The following PLS1 variants were observed in gnomAD, a reference collection of about 807,000 sequenced individuals.
PLS1 encodes the protein plastin-1.
Under a neutral mutation model 73.7 loss-of-function variants are expected in PLS1, and 32 were observed. That is an observed-to-expected ratio of 0.43 (90% CI 0.33 to 0.58). The LOEUF (loss-of-function observed/expected upper bound fraction) is 0.58. Ranked by LOEUF, PLS1 falls within the 20% of genes least tolerant of loss-of-function variation. The pLI is 0.04. For synonymous variants in PLS1, 217 were observed against 261.3 expected (o/e 0.83, Z 1.63); for missense variants, 633 against 740.5 (o/e 0.85, Z 1.68).
chr3:142,617,145 G>GGT (rs372954619), intron 1 of PLS1, among the ~76,000 whole-genome samples: 15,655 of 142,104 alleles, frequency 0.11, 808 homozygotes, highest in Non-Finnish European at 0.12. Flanking sequence ...TGATTAGGAA[G>GGT]ATTTTTTTTT....
chr3:142,647,595 C>A (rs1372717845), intron 1 of PLS1, among the ~76,000 whole-genome samples: 1 of 151,694 alleles, frequency 6.6e-6, no homozygotes, highest in Non-Finnish European at 1.5e-5. Context: ...CTCTGCCTCC[C>A]GGGTTCATGC....
At chr3:142,614,598 A>T (rs1396281126) in intron 1 of PLS1, among the ~76,000 whole-genome samples, 5 of 152,252 alleles carry the variant, frequency 3.3e-5, no homozygotes, top group Admixed American at 3.3e-4. Context: ...AATTAAAAAA[A>T]GAATCCAACA....
intron 1 of PLS1, among the ~76,000 whole-genome samples, chr3:142,631,350 C>G (rs973861873): frequency 1.3e-5 from 2 of 151,892 alleles, no homozygotes; most frequent in Non-Finnish European, 2.9e-5. Flanking sequence ...CCCGTTTCTA[C>G]TAAAAATACA....
At chr3:142,642,138 C>G (rs1410082737) in intron 1 of PLS1, among the ~76,000 whole-genome samples, 1 of 152,100 alleles carries the variant, frequency 6.6e-6, no homozygotes. Context: ...TCACCTCTGT[C>G]TAACCTGTCT....
At chr3:142,602,940 G>A (rs1387497875) in intron 1 of PLS1, among the ~76,000 whole-genome samples, 1 of 152,196 alleles carries the variant, frequency 6.6e-6, no homozygotes, top group East Asian at 1.9e-4. Context: ...GCCCGCCTCA[G>A]CCTCCCAAAG....
rs952645653 is a variant in PLS1, at chr3:142,712,411, A to G, written c.*404A>G. 3.7e-5 allele frequency: 6 copies of G among 162,078 alleles called. No homozygotes were observed. The highest frequency in any genetic ancestry group is 1.4e-4 in the African/African-American group (6 of 41,594). 10.0% of individuals were successfully genotyped at this position (162,078 alleles called of 1,614,324 possible). On this transcript the variant is annotated 3_prime_UTR_variant, in exon 16 of 16. Transcript: ENST00000457734. ...TTTGATCATAAATGCATTCATACTC[A>G]TAATCCAGTTTAATCCTTTTATTTG...
At chr3:142,605,166 G>C (rs1284618518) in intron 1 of PLS1, among the ~76,000 whole-genome samples, 1 of 152,144 alleles carries the variant, frequency 6.6e-6, no homozygotes, top group African/African-American at 2.4e-5. Context: ...AATTAAACAA[G>C]ATAGTGGATG....
At chr3:142,688,837 G>C (rs538905270) in intron 9 of PLS1, among the ~76,000 whole-genome samples, 6 of 151,968 alleles carry the variant, frequency 3.9e-5, no homozygotes, top group African/African-American at 1.2e-4. Context: ...TTGTTTCCAG[G>C]GTTTTGCAAT....
intron 1 of PLS1, among the ~76,000 whole-genome samples, chr3:142,641,068 G>C (rs566860040): frequency 6.6e-6 from 1 of 151,118 alleles, no homozygotes; most frequent in African/African-American, 2.4e-5. Context: ...GCTGAGGTGG[G>C]AGAATGGCTT....
chr3:142,692,521 C>T (rs1321825244), intron 10 of PLS1, among the ~76,000 whole-genome samples: 20 of 152,054 alleles, frequency 1.3e-4, no homozygotes, highest in Admixed American at 1.2e-3. Flanking sequence ...TTTACCAAGA[C>T]ACTTTGAAAT....
intron 1 of PLS1, among the ~76,000 whole-genome samples, chr3:142,624,724 A>G (rs2036384674): frequency 6.6e-6 from 1 of 152,258 alleles, no homozygotes; most frequent in Admixed American, 6.5e-5. Flanking sequence ...TACGCACCAT[A>G]GAATACTCTT....
At chr3:142,705,154 G>T (rs2038432774) in intron 14 of PLS1, among the ~76,000 whole-genome samples, 1 of 151,968 alleles carries the variant, frequency 6.6e-6, no homozygotes. Context: ...TCTGACTCTG[G>T]TAATCTAATC....
At chr3:142,677,296 G>C (rs148919239) in intron 5 of PLS1, among the ~76,000 whole-genome samples, 2 of 152,016 alleles carry the variant, frequency 1.3e-5, no homozygotes, top group Non-Finnish European at 2.9e-5. Context: ...TTTGTTTTAG[G>C]CTGCGGAATA....
At chr3:142,610,129 A>C (rs1047982110) in intron 1 of PLS1, among the ~76,000 whole-genome samples, 8 of 152,160 alleles carry the variant, frequency 5.3e-5, no homozygotes, top group African/African-American at 1.9e-4. Context: ...TCGGCCTCCC[A>C]CAAAGCTTGT....
chr3:142,630,819 G>A (rs1487746817), intron 1 of PLS1, among the ~76,000 whole-genome samples: 2 of 151,960 alleles, frequency 1.3e-5, no homozygotes, highest in Admixed American at 6.6e-5. Context: ...AAAATAGAGA[G>A]TGTACAGTTC....
At position 142,689,829 on chromosome 3, in the gene PLS1, CT is replaced by C; in HGVS notation, c.1177+19del. The C allele has an allele frequency of 6.8e-7, 1 of 1,466,776 alleles. No individual in the cohort carries two copies. Among genetic ancestry groups the C allele is most frequent in the Non-Finnish European group, 9.3e-7 (1 of 1,072,202 alleles). The allele number at this position is 1,466,776 out of a possible 1,614,324, so 90.9% of individuals were successfully genotyped here. A position where few individuals can be genotyped will look rare whatever the true frequency, so the allele number is the denominator to read the frequency against. Reference sequence around the variant, plus strand: ...TTACTGGAAGGTGCGTTCTTTCTGCCTTTAATTGACTTGCTATATTTATCTT... The same window carrying C: ...TTACTGGAAGGTGCGTTCTTTCTGCCTTAATTGACTTGCTATATTTATCTT... On this transcript the variant is annotated intron_variant, in intron 10 of 15. Coordinates refer to ENST00000457734, the MANE Select transcript of PLS1 (RefSeq NM_001145319.2).
At chr3:142,686,933 A>G (rs1349302723) in intron 9 of PLS1, among the ~76,000 whole-genome samples, 1 of 152,250 alleles carries the variant, frequency 6.6e-6, no homozygotes, top group Non-Finnish European at 1.5e-5. Context: ...AAAGGAAGCA[A>G]CAACCTGTTG....
chr3:142,667,386 G>A (rs2037501725), intron 2 of PLS1, among the ~76,000 whole-genome samples: 1 of 152,142 alleles, frequency 6.6e-6, no homozygotes, highest in Non-Finnish European at 1.5e-5. Flanking sequence ...CTGCACTCCA[G>A]CCTGGCGACA....
chr3:142,711,584 G>T lies in PLS1; in HGVS notation c.1713G>T (p.Arg571Ser), dbSNP rs768261160. The T allele has an allele frequency of 6.2e-7, 1 of 1,608,310 alleles. No individual in the cohort carries two copies. The highest frequency in any genetic ancestry group is 1.7e-5 in the Admixed American group (1 of 59,990). Reference sequence around the variant, plus strand: ...ATGCAGTTCGTCAAGAAATGATCAGGAGAGAAAACTTATCTGATGAGGACA... The same window carrying T: ...ATGCAGTTCGTCAAGAAATGATCAGTAGAGAAAACTTATCTGATGAGGACA... ...APNAVRQEMI[R>S]RENLSDEDKL... is the part of the protein sequence containing the mutation. Residue 571 changes from arginine (R) to serine (S), a missense_variant, in exon 15 of 16, where the codon AGG becomes AGT. Coordinates refer to ENST00000457734, the MANE Select transcript of PLS1 (RefSeq NM_001145319.2).
Sources: gnomAD v4.1 joint callset for allele counts (sites outside exome capture counted in the v4.1 genomes callset) on GRCh38, gnomAD v4.1.1 for gene constraint, MANE v1.5 for transcripts, NCBI Gene and HGNC (gene_info 2026-07-23, HGNC 2026-07-21) for gene names.